Variants in TESMIN observed in about 807,000 individuals in gnomAD.
TESMIN encodes testis expressed metallothionein like protein.
A neutral mutation model predicts 47.4 loss-of-function variants in TESMIN; 34 were observed. That is an observed-to-expected ratio of 0.72 (90% CI 0.55 to 0.96). The LOEUF (loss-of-function observed/expected upper bound fraction) is 0.96. Ranked by LOEUF, TESMIN falls within the 40% of genes least tolerant of loss-of-function variation. TESMIN has a pLI of 0.00. For synonymous variants in TESMIN, 278 were observed against 258.9 expected, an observed-to-expected ratio of 1.07 and a Z score of -0.71; for missense variants, 610 against 637.2, an observed-to-expected ratio of 0.96 and a Z score of 0.46.
chr11:68,727,977 C>T (rs1406423028), intron 6 of TESMIN, among the ~76,000 whole-genome samples: 1 of 152,184 alleles, frequency 6.6e-6, no homozygotes, highest in Non-Finnish European at 1.5e-5. Context: ...CTGATGAATG[C>T]TGAGTGTGTT....
intron 2 of TESMIN, 102 bp downstream of exon 2, chr11:68,750,088 G>GA (rs1946570823): frequency 9.9e-7 from 1 of 1,005,920 alleles, no homozygotes. Context: ...TGTCACCAGG[G>GA]AAAATGCTTG....
intron 4 of TESMIN, among the ~76,000 whole-genome samples, chr11:68,743,967 T>C (rs943576854): frequency 3.3e-5 from 5 of 152,220 alleles, no homozygotes; most frequent in Non-Finnish European, 7.3e-5. Flanking sequence ...GATTTTGTCA[T>C]GTGCCAGGAG....
intron 8 of TESMIN, among the ~76,000 whole-genome samples, chr11:68,712,881 G>A (rs1354559103): frequency 3.3e-5 from 5 of 152,172 alleles, no homozygotes; most frequent in South Asian, 2.1e-4. Flanking sequence ...TGTCCCCCAC[G>A]GCCCCACCTA....
At chr11:68,713,903 C>T (rs1225632358) in intron 7 of TESMIN, among the ~76,000 whole-genome samples, 1 of 152,118 alleles carries the variant, frequency 6.6e-6, no homozygotes. Flanking sequence ...CGGAGAAACC[C>T]AGGCACCGAG....
chr11:68,710,759 A>G, intron 9 of TESMIN, 115 bp downstream of exon 9: 1 of 1,058,498 alleles, frequency 9.4e-7, no homozygotes, highest in Non-Finnish European at 1.3e-6. Flanking sequence ...GCCCCCAAAC[A>G]CACGCCCGCC....
At chr11:68,738,659 T>A in intron 6 of TESMIN, 41 bp downstream of exon 6, 1 of 1,610,416 alleles carries the variant, frequency 6.2e-7, no homozygotes, top group Non-Finnish European at 8.5e-7. Flanking sequence ...GTCTCTTAAA[T>A]TATTACATTA....
intron 6 of TESMIN, among the ~76,000 whole-genome samples, chr11:68,723,049 G>A (rs113772196): frequency 2.0e-5 from 3 of 152,176 alleles, no homozygotes; most frequent in African/African-American, 7.2e-5. Flanking sequence ...AACAAAATAA[G>A]CCAGTGAATG....
intron 6 of TESMIN, among the ~76,000 whole-genome samples, chr11:68,727,003 G>A (rs998461475): frequency 6.6e-6 from 1 of 151,940 alleles, no homozygotes; most frequent in Admixed American, 6.6e-5. Context: ...GCTGCATTGA[G>A]CTATGATCAT....
intron 8 of TESMIN, among the ~76,000 whole-genome samples, chr11:68,712,154 A>G (rs1442311167): frequency 6.6e-6 from 1 of 152,256 alleles, no homozygotes; most frequent in Non-Finnish European, 1.5e-5. Context: ...GAGCCTGCAC[A>G]TTCTGTGGGC....
At chr11:68,734,442 G>T (rs1313194119) in intron 6 of TESMIN, among the ~76,000 whole-genome samples, 1 of 152,206 alleles carries the variant, frequency 6.6e-6, no homozygotes, top group Non-Finnish European at 1.5e-5. Flanking sequence ...CAGAACATTT[G>T]CAATGGAAGT....
chr11:68,707,822 G>T lies in TESMIN; in HGVS notation c.*486C>A, dbSNP rs1214673899. On this transcript the variant is annotated 3_prime_UTR_variant, in exon 10 of 10. Transcript: ENST00000255087. ...CAGTAGTTCTCTAGAGATTTTAAGT[G>T]GTATCACAACAGCCCATCCGGAGAA... 1 of 455,822 alleles carries T rather than the reference G, an allele frequency of 2.2e-6. No individual in the cohort carries two copies. Among genetic ancestry groups the T allele is most frequent in the African/African-American group, 2.0e-5 (1 of 50,060 alleles). 28.2% of individuals were successfully genotyped at this position (455,822 alleles called of 1,614,324 possible).
At chr11:68,709,042 C>T (rs536053821) in intron 9 of TESMIN, among the ~76,000 whole-genome samples, 2 of 149,730 alleles carry the variant, frequency 1.3e-5, no homozygotes, top group African/African-American at 4.9e-5. Flanking sequence ...TGAGCCACCA[C>T]ACCCGGCGGA....
intron 8 of TESMIN, among the ~76,000 whole-genome samples, chr11:68,712,829 C>T (rs964112536): frequency 6.6e-6 from 1 of 152,186 alleles, no homozygotes; most frequent in Non-Finnish European, 1.5e-5. Context: ...TGGGGACAAG[C>T]GCCACAGGGA....
intron 6 of TESMIN, among the ~76,000 whole-genome samples, chr11:68,730,374 C>A (rs958576037): frequency 6.6e-6 from 1 of 151,996 alleles, no homozygotes; most frequent in Non-Finnish European, 1.5e-5. Flanking sequence ...TTATATTTTA[C>A]GTTAAATTTT....
rs375057297 is a variant in TESMIN, at chr11:68,740,464, GGT to G, written c.829-1678_829-1677del. Among the ~76,000 whole-genome samples, 188 of 152,272 alleles carry G rather than the reference GGT, an allele frequency of 1.2e-3. 1 individual carries two copies. Among genetic ancestry groups the G allele is most frequent in the African/African-American group, 4.3e-3 (178 of 41,542 alleles). On this transcript the variant is annotated intron_variant, in intron 5 of 9. Transcript: ENST00000255087. ...GGAGACAGCAAGTTGTGGCCAAATG[GGT>G]GTTTCTCATGGAAGATCTTAGAGGT...
At chr11:68,736,944 C>G (rs1365135824) in intron 6 of TESMIN, 1 of 985,244 alleles carries the variant, frequency 1.0e-6, no homozygotes, top group Non-Finnish European at 1.2e-6. Flanking sequence ...CACATAGAAG[C>G]CTCAGAGGGT....
At chr11:68,728,447 G>T (rs1038642924) in intron 6 of TESMIN, among the ~76,000 whole-genome samples, 4 of 152,218 alleles carry the variant, frequency 2.6e-5, no homozygotes, top group African/African-American at 7.2e-5. Context: ...TTGAAGGAAA[G>T]AAGCCATCTC....
chr11:68,747,194 T>G lies in TESMIN; in HGVS notation c.630+14A>C. The G allele has an allele frequency of 6.2e-7, 1 of 1,612,326 alleles. No homozygotes were observed. On this transcript the variant is annotated intron_variant, in intron 3 of 9. Transcript: ENST00000255087. Reference sequence around the variant, plus strand: ...TATAATGTTAGTCCTACACATCTTCTTTAGCATAATTACCATTGGGTTGGA... The same window carrying G: ...TATAATGTTAGTCCTACACATCTTCGTTAGCATAATTACCATTGGGTTGGA...
At chr11:68,711,915 C>T (rs1946077963) in intron 8 of TESMIN, among the ~76,000 whole-genome samples, 1 of 152,212 alleles carries the variant, frequency 6.6e-6, no homozygotes, top group Non-Finnish European at 1.5e-5. Context: ...TCATGTGGGC[C>T]CCAGGGGCTG....
Sources: allele counts gnomAD v4.1 joint callset (sites outside exome capture counted in the v4.1 genomes callset), GRCh38; gene constraint gnomAD v4.1.1; transcripts MANE v1.5; gene names NCBI Gene and HGNC (gene_info 2026-07-23, HGNC 2026-07-21).